Variants in MGAT4B observed in about 807,000 individuals in gnomAD.
The protein encoded by MGAT4B is alpha-1,3-mannosyl-glycoprotein 4-beta-N-acetylglucosaminyltransferase B, also known as N-acetylglucosaminyltransferase IVb.
In MGAT4B, 38 loss-of-function variants were observed where a neutral mutation model predicts 73.9. The ratio of observed to expected loss-of-function variants is 0.51; its 90% CI spans 0.40 to 0.67. The LOEUF (loss-of-function observed/expected upper bound fraction) is 0.67. MGAT4B is among the 30% of genes least tolerant of loss of function. MGAT4B has a pLI of 0.00. For synonymous variants in MGAT4B, 373 were observed against 313.5 expected (o/e 1.19, Z -2.01); for missense variants, 686 against 735.2 (o/e 0.93, Z 0.77).
chr5:179,804,542 C>T (rs1184384309), intron 1 of MGAT4B, among the ~76,000 whole-genome samples: 1 of 152,220 alleles, frequency 6.6e-6, no homozygotes, highest in Non-Finnish European at 1.5e-5. Context: ...GGGCCCCAAA[C>T]CCTTCTCCAG....
At chr5:179,802,359 C>A in intron 1 of MGAT4B, 1 of 1,298,312 alleles carries the variant, frequency 7.7e-7, no homozygotes, top group Non-Finnish European at 9.8e-7. Context: ...CACACGCTCC[C>A]TCCAGCGGGT....
At chr5:179,803,066 A>G in intron 1 of MGAT4B, 2 of 985,524 alleles carry the variant, frequency 2.0e-6, no homozygotes, top group Non-Finnish European at 2.4e-6. Flanking sequence ...GGCAAAGTTC[A>G]GTCACCTCAG....
At chr5:179,798,649 G>C in intron 11 of MGAT4B, 58 bp from the exon 12 acceptor site, 1 of 1,583,018 alleles carries the variant, frequency 6.3e-7, no homozygotes, top group Admixed American at 1.7e-5. Context: ...ACAGCACCCA[G>C]GGCCCAGCAG....
intron 8 of MGAT4B, 79 bp downstream of exon 8, chr5:179,799,875 G>T: frequency 7.1e-7 from 1 of 1,406,760 alleles, no homozygotes; most frequent in Non-Finnish European, 1.0e-6. Context: ...GGCTCACAGT[G>T]GACACAGTGG....
chr5:179,799,278 C>T lies in MGAT4B; in HGVS notation c.1074G>A (p.Arg358=). Residue 358 remains arginine, a synonymous_variant, in exon 10 of 15, where the codon CGG becomes CGA. Coordinates refer to ENST00000292591, the MANE Select transcript of MGAT4B (RefSeq NM_014275.5). ...GGAAGAGGGACGGTTTGAAGCGGATCCGCAGGTTGGCTTTCTGCCGGTCAC... is the reference window on the plus strand; with the variant it reads ...GGAAGAGGGACGGTTTGAAGCGGATTCGCAGGTTGGCTTTCTGCCGGTCAC... ...KHCDRQKANL[R]IRFKPSLFQH... is the part of the protein sequence containing the mutation. The T allele has an allele frequency of 6.2e-7, 1 of 1,613,928 alleles. No homozygotes were observed. The highest frequency in any genetic ancestry group is 8.5e-7 in the Non-Finnish European group (1 of 1,180,022).
chr5:179,802,648 C>T (rs1055785873), intron 1 of MGAT4B: 4 of 986,656 alleles, frequency 4.1e-6, no homozygotes, highest in Non-Finnish European at 4.8e-6. Context: ...CCTGAAGGGT[C>T]CGCATGCCAC....
At chr5:179,802,523 T>C (rs1756989138) in intron 1 of MGAT4B, 1 of 1,005,658 alleles carries the variant, frequency 9.9e-7, no homozygotes, top group African/African-American at 1.7e-5. Flanking sequence ...GGTGAGCAAA[T>C]GAGGTTGAGA....
chr5:179,801,514 C>G lies in MGAT4B; in HGVS notation c.424+40G>C, dbSNP rs1363633331. The G allele has an allele frequency of 1.9e-6, 3 of 1,602,076 alleles. No homozygotes were observed. The highest frequency in any genetic ancestry group is 2.2e-5 in the South Asian group (2 of 90,680). On this transcript the variant is annotated intron_variant, in intron 3 of 14. Coordinates refer to ENST00000292591, the MANE Select transcript of MGAT4B (RefSeq NM_014275.5). This position sits in a 1 kb window ranked among gnomAD's most constrained non-coding sequence, Gnocchi z 4.8. ...CGCTGGAAAGGGTGCGGGGGCCACC[C>G]GTCCCCCCACCCCGTGCTCCTCCCT...
intron 1 of MGAT4B, among the ~76,000 whole-genome samples, chr5:179,805,832 CG>C (rs1005238109): frequency 2.6e-5 from 4 of 152,170 alleles, no homozygotes; most frequent in African/African-American, 9.6e-5. Flanking sequence ...CGGGGCGGCG[CG>C]GGGGGATCGG....
chr5:179,799,836 G>A (rs928524745), intron 8 of MGAT4B, 118 bp downstream of exon 8: 15 of 1,233,748 alleles, frequency 1.2e-5, no homozygotes, highest in Admixed American at 9.2e-5. Flanking sequence ...GCTGTAGCAC[G>A]CACACCAGGC....
Position 179,800,029 on chromosome 5 carries a change from T to C in MGAT4B, c.835A>G (p.Thr279Ala). The C allele has an allele frequency of 6.2e-7, 1 of 1,614,016 alleles. No homozygotes were observed. Among genetic ancestry groups the C allele is most frequent in the East Asian group, 2.2e-5 (1 of 44,878 alleles). The part of the protein sequence containing the change: ...DIVAKPNYLS[T>A]MKNFALQQPS... ...TGCTGCAGTGCAAAGTTCTTCATGG[T>C]GCTCAGGTAGTTGGGCTTGGCCACG... Residue 279 changes from threonine to alanine, a missense_variant, in exon 8 of 15, where the codon ACC becomes GCC. Thr to Ala is a moderately conservative substitution (Grantham distance 58). Coordinates refer to ENST00000292591, the MANE Select transcript of MGAT4B (RefSeq NM_014275.5).
In MGAT4B at chr5:179,799,179, G is replaced by A; in HGVS notation, c.1149+24C>T. On this transcript the variant is annotated intron_variant, in intron 10 of 14. Coordinates refer to ENST00000292591, the MANE Select transcript of MGAT4B (RefSeq NM_014275.5). ...GGGCCCCGACCTTGATCCCGGCCTA[G>A]GGAGAGCGTGCAGTGCAGCCCACCT... 4 of 1,613,946 alleles carry A rather than the reference G, an allele frequency of 2.5e-6. No individual in the cohort carries two copies. The African/African-American group carries it at 5.3e-5, about 22-fold the overall frequency.
intron 1 of MGAT4B, chr5:179,802,442 A>T: frequency 9.2e-7 from 1 of 1,081,734 alleles, no homozygotes; most frequent in Non-Finnish European, 1.1e-6. Context: ...CCTGCACTGG[A>T]TTCTTAGCCT....
chr5:179,798,724 G>A (rs2113423284), intron 11 of MGAT4B, 133 bp from the exon 12 acceptor site: 2 of 1,157,236 alleles, frequency 1.7e-6, no homozygotes, highest in South Asian at 2.7e-5. Context: ...AAGAGACCAG[G>A]GCCTTCCTCT....
chr5:179,800,562 A>G lies in MGAT4B; in HGVS notation c.641T>C (p.Val214Ala), dbSNP rs1756871145. The part of the protein sequence containing the change: ...PTEIHSGLLE[V>A]ISPSPHFYPD... ...GTAGAAGTGGGGGGAGGGTGAGATG[A>G]CCTCCAGGAGCCCAGAATGGATCTC... The change falls in exon 6 of 15, where the codon GTC (valine) becomes GCC (alanine). Residue 214 changes from valine (V) to alanine (A), a missense_variant. Physicochemically the swap from Val to Ala is moderately conservative, Grantham distance 64. Around this residue, in one of 2 missense-constraint regions of MGAT4B, gnomAD observed 449 missense variants for 536.8 expected, o/e 0.84. Transcript: ENST00000292591. 3.7e-6 allele frequency: 6 copies of G among 1,611,312 alleles called. No individual in the cohort carries two copies. Among genetic ancestry groups the G allele is most frequent in the Non-Finnish European group, 5.1e-6 (6 of 1,179,396 alleles).
At chr5:179,805,674 G>C (rs1401181289) in intron 1 of MGAT4B, among the ~76,000 whole-genome samples, 1 of 152,242 alleles carries the variant, frequency 6.6e-6, no homozygotes, top group Non-Finnish European at 1.5e-5. Flanking sequence ...AGGTGGCGGG[G>C]AGGCCGAGGG....
At position 179,798,177 on chromosome 5, in the gene MGAT4B, C is replaced by T; in HGVS notation, c.1611G>A (p.Val537=). Reference sequence around the variant, plus strand: ...TGCCCAGCCTCACCTCGCTCAGAATCACCCACACAGGGGAGTCCGTCTGGA... The same window carrying T: ...TGCCCAGCCTCACCTCGCTCAGAATTACCCACACAGGGGAGTCCGTCTGGA... The part of the protein sequence containing the change: ...LSIQTDSPVW[V]ILSEIFLKKA... The change falls in exon 14 of 15, where the codon GTG becomes GTA. Residue 537 remains valine (V), a synonymous_variant. Transcript: ENST00000292591. The T allele has an allele frequency of 6.3e-7, 1 of 1,595,690 alleles. No homozygotes were observed. Among genetic ancestry groups the T allele is most frequent in the Non-Finnish European group, 8.5e-7 (1 of 1,170,554 alleles).
chr5:179,797,902 C>T lies in MGAT4B; in HGVS notation c.*143G>A, dbSNP rs1417951652. On this transcript the variant is annotated 3_prime_UTR_variant, in exon 15 of 15. Transcript: ENST00000292591. ...GCTCCTAGGGCCTCCGGGCCAGCGG[C>T]GGACCCCAGGCCGGCCCAAGCCCGA... is the stretch of plus-strand genomic sequence containing the variant. 10 of 1,210,562 alleles carry T rather than the reference C, an allele frequency of 8.3e-6. No individual in the cohort carries two copies. Among genetic ancestry groups the T allele is most frequent in the East Asian group, 5.2e-5 (2 of 38,270 alleles). The allele number at this position is 1,210,562 out of a possible 1,614,324, so 75.0% of individuals were successfully genotyped here. A position where few individuals can be genotyped will look rare whatever the true frequency, so the allele number is the denominator to read the frequency against.
chr5:179,799,577 G>A lies in MGAT4B; in HGVS notation c.970C>T (p.Arg324Trp), dbSNP rs1047960020. The A allele has an allele frequency of 3.1e-6, 5 of 1,613,958 alleles. No homozygotes were observed. The highest frequency in any genetic ancestry group is 2.5e-6 in the Non-Finnish European group (3 of 1,180,026). Residue 324 changes from arginine (R) to tryptophan (W), a missense_variant, in exon 9 of 15, where the codon CGG becomes TGG. Around this residue, in one of 2 missense-constraint regions of MGAT4B, gnomAD observed 449 missense variants for 536.8 expected, o/e 0.84. Coordinates refer to ENST00000292591, the MANE Select transcript of MGAT4B (RefSeq NM_014275.5). ...LIVEFILMFY[R>W]DKPIDWLLDH... ...AGGAGCCAGTCGATGGGCTTGTCCC[G>A]GTAGAACATGAGAATGAACTCTACA...
Sources: allele counts gnomAD v4.1 joint callset (sites outside exome capture counted in the v4.1 genomes callset), GRCh38; gene constraint gnomAD v4.1.1; regional missense constraint gnomAD v4.1.1; non-coding constraint Gnocchi (gnomAD v3.1); transcripts MANE v1.5; gene names NCBI Gene and HGNC (gene_info 2026-07-23, HGNC 2026-07-21).